The following SLC12A4 variants were observed in gnomAD, a reference collection of about 807,000 sequenced individuals.
The protein encoded by SLC12A4 is electroneutral potassium-chloride cotransporter 1.
In SLC12A4, 84 loss-of-function variants were observed where a neutral mutation model predicts 119.2. The observed-to-expected ratio is 0.70, with a 90% CI of 0.59 to 0.85. SLC12A4 has a LOEUF of 0.85. SLC12A4 is among the 40% of genes least tolerant of loss of function. The pLI, the probability that SLC12A4 is intolerant of heterozygous loss-of-function variation, is 0.00. For synonymous variants in SLC12A4, 599 were observed against 604.6 expected (o/e 0.99, Z 0.14); for missense variants, 1,298 against 1,476.3 (o/e 0.88, Z 1.98).
intron 5 of SLC12A4, among the ~76,000 whole-genome samples, chr16:67,955,857 G>C (rs992915769): frequency 6.8e-6 from 1 of 147,998 alleles, no homozygotes; most frequent in Non-Finnish European, 1.5e-5. Flanking sequence ...CTAGCCTGGC[G>C]ACAGAGTGAG....
chr16:67,946,374 G>A, intron 18 of SLC12A4, 34 bp from the exon 19 acceptor site: 3 of 1,604,322 alleles, frequency 1.9e-6, no homozygotes, highest in Non-Finnish European at 2.5e-6. Flanking sequence ...CCACCAGTCT[G>A]TGGCCCTCCG....
rs2058317485 is a variant in SLC12A4, at chr16:67,944,401, G to C, written c.*439C>G. 1.5e-6 allele frequency: 2 copies of C among 1,314,476 alleles called. No individual in the cohort carries two copies. Among genetic ancestry groups the C allele is most frequent in the African/African-American group, 2.9e-5 (2 of 67,834 alleles). 81.4% of individuals were successfully genotyped at this position (1,314,476 alleles called of 1,614,324 possible). ...TGTCTCCATTCGGCTCAGCTTGGTGGGGGGCCCTGCCCATAGTAGACTGAG... is the reference window on the plus strand; with the variant it reads ...TGTCTCCATTCGGCTCAGCTTGGTGCGGGGCCCTGCCCATAGTAGACTGAG... On this transcript the variant is annotated 3_prime_UTR_variant, in exon 24 of 24. Coordinates refer to ENST00000316341, the MANE Select transcript of SLC12A4 (RefSeq NM_005072.5). This position sits in a 1 kb window ranked among gnomAD's most constrained non-coding sequence, Gnocchi z 6.6.
At position 67,948,149 on chromosome 16, in the gene SLC12A4, T is replaced by C. The variant is rs1406036669; in HGVS notation, c.1759A>G (p.Met587Val). Residue 587 changes from methionine (M) to valine (V), a missense_variant, in exon 14 of 24, where the codon ATG (methionine) becomes GTG (valine). Physicochemically the swap from Met to Val is conservative, Grantham distance 21. Transcript: ENST00000316341. ...GCGAGGTTCACGAACAGGTAGCACA[T>C]CAGAAAGAACCTGCGGCACAGAGGG... ...VAPILSMFFLMCYLFVNLACA... is the reference protein window; with the variant it reads ...VAPILSMFFLVCYLFVNLACA... The C allele has an allele frequency of 1.9e-6, 3 of 1,613,014 alleles. No individual in the cohort carries two copies. Among genetic ancestry groups the C allele is most frequent in the Non-Finnish European group, 8.5e-7 (1 of 1,179,962 alleles).
intron 22 of SLC12A4, 34 bp from the exon 23 acceptor site, chr16:67,945,254 G>A (rs778651468): frequency 7.7e-6 from 12 of 1,553,024 alleles, no homozygotes; most frequent in South Asian, 3.7e-5. Context: ...AGGTCGCCAT[G>A]AGCCATCCTG....
In SLC12A4 at chr16:67,950,686, A is replaced by G. The variant is rs11542821; in HGVS notation, c.1422T>C (p.Gly474=). 107,498 of 1,611,440 alleles carry G rather than the reference A, an allele frequency of 0.067. 7,982 individuals are homozygous for G. Among genetic ancestry groups the G allele is most frequent in the African/African-American group, 0.38 (28,756 of 74,716 alleles). The change falls in exon 11 of 24, where the codon GGT becomes GGC. Residue 474 remains glycine (G), a synonymous_variant. Transcript: ENST00000316341. This position sits in a 1 kb window ranked among gnomAD's most constrained non-coding sequence, Gnocchi z 4.3. The part of the protein sequence containing the change: ...LVYFSSVVLF[G]ACIEGVVLRD... ...GGAGAACCACACCCTCAATGCAGGC[A>G]CCAAAGAGAACCACACTGCTGAAGT...
rs199830660 is a variant in SLC12A4 at position 67,947,147 on chromosome 16, C to T, written c.2073-42G>A. 319 of 1,545,854 alleles carry T rather than the reference C, an allele frequency of 2.1e-4. 2 individuals are homozygous for T. The East Asian group carries it at 6.2e-3, about 30-fold the overall frequency. The stretch of plus-strand genomic sequence containing the variant: ...GGGGGAGCCTGAGACCAGGGCCGGC[C>T]GTTCTAGGGAGCCCCTCCTCTTCTT... On this transcript the variant is annotated intron_variant, in intron 16 of 23. Transcript: ENST00000316341.
intron 5 of SLC12A4, among the ~76,000 whole-genome samples, chr16:67,955,856 C>A (rs960152040): frequency 6.9e-6 from 1 of 143,996 alleles, no homozygotes; most frequent in Non-Finnish European, 1.5e-5. Flanking sequence ...TCTAGCCTGG[C>A]GACAGAGTGA....
Position 67,950,717 on chromosome 16 carries a change from G to A in SLC12A4, c.1397-6C>T. On this transcript the variant is annotated splice_polypyrimidine_tract_variant and splice_region_variant and intron_variant, in intron 10 of 23. Transcript: ENST00000316341. The surrounding 1 kb of genome is among the most constrained non-coding windows in gnomAD (Gnocchi z 4.3). ...GAGAACCACACTGCTGAAGTCTGCG[G>A]CGGCGTCAAGGAAAACTCGGCCTCT... The A allele has an allele frequency of 6.2e-7, 1 of 1,605,580 alleles. No individual in the cohort carries two copies. Among genetic ancestry groups the A allele is most frequent in the Non-Finnish European group, 8.5e-7 (1 of 1,176,162 alleles).
chr16:67,948,516 C>T (rs900080561), intron 13 of SLC12A4, among the ~76,000 whole-genome samples: 1 of 152,200 alleles, frequency 6.6e-6, no homozygotes, highest in African/African-American at 2.4e-5. Flanking sequence ...GGATGAGAGG[C>T]TGCCATGCAT....
Position 67,947,103 on chromosome 16 carries a change from G to T in SLC12A4, c.2075C>A (p.Pro692Gln). The change falls in exon 17 of 24, where the codon CCG (proline) becomes CAG (glutamine). Residue 692 changes from proline to glutamine, a missense_variant and splice_region_variant. Pro to Gln is a moderately conservative substitution (Grantham distance 76). Transcript: ENST00000316341. ...CAGCTTCAGCAGCACCAGCAGCTGCGGCCTGCAGTGGCCGGGTGGGGGGAG... is the reference window on the plus strand; with the variant it reads ...CAGCTTCAGCAGCACCAGCAGCTGCTGCCTGCAGTGGCCGGGTGGGGGGAG... ...EGPPHTKNWRPQLLVLLKLDE... is the reference protein window; with the variant it reads ...EGPPHTKNWRQQLLVLLKLDE... The T allele has an allele frequency of 6.3e-7, 1 of 1,583,292 alleles. No individual in the cohort carries two copies.
At chr16:67,953,312 A>C (rs1298517231) in intron 6 of SLC12A4, among the ~76,000 whole-genome samples, 1 of 152,156 alleles carries the variant, frequency 6.6e-6, no homozygotes, top group African/African-American at 2.4e-5. Flanking sequence ...ACTTGAACCC[A>C]GGAGGCGGAA....
At chr16:67,947,962 C>T in intron 14 of SLC12A4, 99 bp downstream of exon 14, 2 of 1,487,162 alleles carry the variant, frequency 1.3e-6, no homozygotes, top group South Asian at 2.3e-5. Flanking sequence ...TCTCCCTCCC[C>T]ACAGTGTTTC....
chr16:67,968,643 G>T, upstream of SLC12A4: 1 of 1,283,590 alleles, frequency 7.8e-7, no homozygotes, highest in Non-Finnish European at 9.8e-7. Flanking sequence ...GACACGCCCC[G>T]CCCGCTCGCA....
At chr16:67,952,156 T>C (rs1320498945) in intron 7 of SLC12A4, 28 bp downstream of exon 7, 11 of 1,612,930 alleles carry the variant, frequency 6.8e-6, no homozygotes, top group Admixed American at 1.7e-5. Flanking sequence ...GTCCATGCAA[T>C]GCCCAGATAA....
In SLC12A4 at chr16:67,951,538, C is replaced by T. The variant is rs923822868; in HGVS notation, c.1133-234G>A. On this transcript the variant is annotated intron_variant, in intron 8 of 23. Transcript: ENST00000316341. This position sits in a 1 kb window ranked among gnomAD's most constrained non-coding sequence, Gnocchi z 5.2. The stretch of plus-strand genomic sequence containing the variant: ...CCGTCACCCAGAGCCCGCCACTGCC[C>T]GCCTTCCACAGAGGCCTTTATGGAT... 38 of 612,068 alleles carry T rather than the reference C, an allele frequency of 6.2e-5. No individual in the cohort carries two copies. Among genetic ancestry groups the T allele is most frequent in the South Asian group, 5.6e-4 (28 of 49,576 alleles). 37.9% of individuals were successfully genotyped at this position (612,068 alleles called of 1,614,324 possible).
chr16:67,951,954 A>G lies in SLC12A4; in HGVS notation c.1001T>C (p.Val334Ala), dbSNP rs770877638. The G allele has an allele frequency of 1.5e-5, 24 of 1,613,962 alleles. No individual in the cohort carries two copies. Among genetic ancestry groups the G allele is most frequent in the Non-Finnish European group, 1.9e-5 (23 of 1,180,036 alleles). ...GAAGAAACTCCATAGCTGGGTGGCC[A>G]CTGTCTCATTGTCCACTACAGCTGT... ...AKTAVVDNET[V>A]ATQLWSFFCH... is the part of the protein sequence containing the mutation. Residue 334 changes from valine (V) to alanine (A), a missense_variant, in exon 8 of 24, where the codon GTG becomes GCG. Physicochemically the swap from Val to Ala is moderately conservative, Grantham distance 64 (BLOSUM62 0). Coordinates refer to ENST00000316341, the MANE Select transcript of SLC12A4 (RefSeq NM_005072.5). This position sits in a 1 kb window ranked among gnomAD's most constrained non-coding sequence, Gnocchi z 5.2.
intron 1 of SLC12A4, among the ~76,000 whole-genome samples, chr16:67,967,078 A>C (rs2030899209): frequency 6.6e-6 from 1 of 152,122 alleles, no homozygotes; most frequent in Non-Finnish European, 1.5e-5. Flanking sequence ...GACCACTTGA[A>C]TCAAGCTAGG....
intron 17 of SLC12A4, 30 bp from the exon 18 acceptor site, chr16:67,946,663 A>G (rs2058354236): frequency 6.3e-7 from 1 of 1,586,614 alleles, no homozygotes; most frequent in Non-Finnish European, 8.6e-7. Context: ...GGCCAATGGG[A>G]GGCCATCAGC....
rs1473920955 is a variant in SLC12A4, at chr16:67,949,040, A to G, written c.1748+760T>C. Among the ~76,000 whole-genome samples, 1 of 152,186 alleles carries G rather than the reference A, an allele frequency of 6.6e-6. No homozygotes were observed. Among genetic ancestry groups the G allele is most frequent in the Non-Finnish European group, 1.5e-5 (1 of 68,022 alleles). Reference sequence around the variant, plus strand: ...GAGGACCCCAGCCTGGACAGAGTCAACCAAACAAGCGCTGCCTCGGGGTCC... The same window carrying G: ...GAGGACCCCAGCCTGGACAGAGTCAGCCAAACAAGCGCTGCCTCGGGGTCC... On this transcript the variant is annotated intron_variant, in intron 13 of 23. Transcript: ENST00000316341. The surrounding 1 kb of genome is among the most constrained non-coding windows in gnomAD (Gnocchi z 4.6).
Sources: allele counts gnomAD v4.1 joint callset (sites outside exome capture counted in the v4.1 genomes callset), GRCh38; gene constraint gnomAD v4.1.1; non-coding constraint Gnocchi (gnomAD v3.1); transcripts MANE v1.5; gene names NCBI Gene and HGNC (gene_info 2026-07-23, HGNC 2026-07-21).